Variants in LRRC7 observed in about 807,000 individuals in gnomAD.
LRRC7 encodes the protein leucine rich repeat containing 7, also known as leucine-rich repeat-containing protein 7.
LRRC7 carries 23 observed loss-of-function variants against 175.7 expected under a neutral mutation model. That is an observed-to-expected ratio of 0.13 (90% confidence interval 0.09 to 0.19). LRRC7 has a LOEUF of 0.19. Ranked by LOEUF, LRRC7 falls within the 10% of genes least tolerant of loss-of-function variation. The probability of loss-of-function intolerance (pLI) is 1.00; values close to 1 mark genes in which losing one functional copy is unlikely to be tolerated. For missense variants in LRRC7, 1,354 were observed against 1,904.7 expected, an observed-to-expected ratio of 0.71 and a Z score of 5.38; for synonymous variants, 685 against 680.9, an observed-to-expected ratio of 1.01 and a Z score of -0.09.
At chr1:69,982,865 G>A (rs1248373882) in intron 9 of LRRC7, among the ~76,000 whole-genome samples, 2 of 152,140 alleles carry the variant, frequency 1.3e-5, no homozygotes, top group Non-Finnish European at 2.9e-5. Context: ...AAGAATTTAT[G>A]CCTTTACAGT....
chr1:69,584,750 T>C (rs1056407429), intron 1 of LRRC7, among the ~76,000 whole-genome samples: 1 of 152,194 alleles, frequency 6.6e-6, no homozygotes, highest in African/African-American at 2.4e-5. Context: ...TGTTTTCTTA[T>C]GAGGCATAGG....
intron 1 of LRRC7, among the ~76,000 whole-genome samples, chr1:69,662,579 G>A (rs1300972378): frequency 6.6e-6 from 1 of 152,072 alleles, no homozygotes; most frequent in East Asian, 1.9e-4. Flanking sequence ...GTTTTGTTAA[G>A]CATTTCACTC....
At chr1:70,100,302 T>C (rs565819484) in intron 25 of LRRC7, among the ~76,000 whole-genome samples, 51 of 152,248 alleles carry the variant, frequency 3.3e-4, no homozygotes, top group African/African-American at 1.2e-3. Flanking sequence ...CAGGAATAAA[T>C]TGCTTATTTT....
chr1:69,698,568 AC>A (rs1201400783), intron 2 of LRRC7, among the ~76,000 whole-genome samples: 1 of 152,202 alleles, frequency 6.6e-6, no homozygotes, highest in African/African-American at 2.4e-5. Context: ...AGAAAACTGA[AC>A]AAAATTTCTA....
At chr1:69,752,758 T>C (rs1342937093) in intron 2 of LRRC7, among the ~76,000 whole-genome samples, 2 of 152,108 alleles carry the variant, frequency 1.3e-5, no homozygotes, top group Non-Finnish European at 2.9e-5. Flanking sequence ...TCAATTTAAA[T>C]TGAAAACAAT....
At chr1:69,789,579 T>C (rs1220039856) in intron 3 of LRRC7, among the ~76,000 whole-genome samples, 3 of 152,138 alleles carry the variant, frequency 2.0e-5, no homozygotes, top group Admixed American at 6.5e-5. Context: ...TGTTTTATAT[T>C]TGAAACTTAG....
chr1:69,614,719 C>T (rs150127103), intron 1 of LRRC7, among the ~76,000 whole-genome samples: 3,255 of 152,088 alleles, frequency 0.021, 62 homozygotes, highest in Non-Finnish European at 0.03. Context: ...TTGAGGAATA[C>T]AAAAATTTAA....
chr1:69,890,922 G>A (rs1171736842), intron 7 of LRRC7, among the ~76,000 whole-genome samples: 1 of 152,168 alleles, frequency 6.6e-6, no homozygotes, highest in African/African-American at 2.4e-5. Flanking sequence ...AAGAGAGTTA[G>A]GGTCTTGCTC....
chr1:69,703,143 T>C (rs1474064518), intron 2 of LRRC7, among the ~76,000 whole-genome samples: 1 of 152,030 alleles, frequency 6.6e-6, no homozygotes, highest in Non-Finnish European at 1.5e-5. Flanking sequence ...TCAAAATACA[T>C]TTTACTTTTA....
At chr1:69,974,742 A>C (rs1330453354) in intron 8 of LRRC7, among the ~76,000 whole-genome samples, 1 of 152,208 alleles carries the variant, frequency 6.6e-6, no homozygotes, top group Non-Finnish European at 1.5e-5. Context: ...ATTCTTAGGA[A>C]GTTTTTGAAG....
At chr1:69,635,462 A>G (rs1653184964) in intron 1 of LRRC7, among the ~76,000 whole-genome samples, 4 of 152,176 alleles carry the variant, frequency 2.6e-5, no homozygotes. Flanking sequence ...TAAAATAGAT[A>G]ATAGATAAGG....
intron 23 of LRRC7, among the ~76,000 whole-genome samples, chr1:70,067,482 T>G (rs1408977531): frequency 6.6e-6 from 1 of 152,142 alleles, no homozygotes; most frequent in African/African-American, 2.4e-5. Flanking sequence ...TTCATTAGTC[T>G]ATGTGTCTAT....
intron 1 of LRRC7, among the ~76,000 whole-genome samples, chr1:69,611,897 C>G (rs996035471): frequency 1.3e-5 from 2 of 152,038 alleles, no homozygotes; most frequent in Admixed American, 1.3e-4. Flanking sequence ...CATCGAATGA[C>G]TCAAATATTT....
At chr1:70,113,310 AAAACATAAGCTAGAAAAC>A (rs1264340054) in intron 26 of LRRC7, among the ~76,000 whole-genome samples, 5 of 152,208 alleles carry the variant, frequency 3.3e-5, no homozygotes, top group Admixed American at 2.0e-4. Context: ...TATAAGAAAA[AAAACATAAGCTAGAAAAC>A]AAACAAAGTG....
intron 26 of LRRC7, among the ~76,000 whole-genome samples, chr1:70,116,411 G>A (rs1443553332): frequency 6.6e-6 from 1 of 152,150 alleles, no homozygotes; most frequent in Admixed American, 6.5e-5. Context: ...GCCAGGCGTG[G>A]TGGCAGGCGC....
intron 17 of LRRC7, among the ~76,000 whole-genome samples, chr1:70,024,876 T>C (rs1020059222): frequency 5.9e-5 from 9 of 152,164 alleles, no homozygotes; most frequent in Admixed American, 1.3e-4. Context: ...AATACAATGA[T>C]AAATTATAGT....
chr1:69,633,162 C>A (rs550066985), intron 1 of LRRC7, among the ~76,000 whole-genome samples: 11 of 151,940 alleles, frequency 7.2e-5, no homozygotes, highest in African/African-American at 2.6e-4. Flanking sequence ...ATATAATATC[C>A]AGGTGTCATT....
intron 1 of LRRC7, among the ~76,000 whole-genome samples, chr1:69,675,342 C>G (rs970702726): frequency 3.3e-5 from 5 of 152,012 alleles, no homozygotes; most frequent in African/African-American, 1.2e-4. Flanking sequence ...TACCCTGAAC[C>G]ATAATTACAT....
chr1:69,759,942 TG>T (rs1346336308), intron 2 of LRRC7, among the ~76,000 whole-genome samples: 1 of 152,012 alleles, frequency 6.6e-6, no homozygotes, highest in Non-Finnish European at 1.5e-5. Context: ...TCCAAAGCTG[TG>T]TGATGATGGG....
Sources: gnomAD v4.1 joint callset for allele counts (sites outside exome capture counted in the v4.1 genomes callset) on GRCh38, gnomAD v4.1.1 for gene constraint, MANE v1.5 for transcripts, NCBI Gene and HGNC (gene_info 2026-07-23, HGNC 2026-07-21) for gene names.